Variants in MAST4 observed in about 807,000 individuals in gnomAD.
The protein encoded by MAST4 is microtubule-associated serine/threonine-protein kinase 4.
Under a neutral mutation model 162.7 loss-of-function variants are expected in MAST4, and 89 were observed. That is an observed-to-expected ratio of 0.55 (90% CI 0.46 to 0.65). The LOEUF (loss-of-function observed/expected upper bound fraction) is 0.65. Among genes scored for constraint, MAST4 ranks in the 30% least tolerant of loss-of-function variants. The pLI, the probability that MAST4 is intolerant of heterozygous loss-of-function variation, is 0.00. For synonymous variants in MAST4, 1,479 were observed against 1,361.1 expected (o/e 1.09, Z -1.91); for missense variants, 3,153 against 3,374.0 (o/e 0.93, Z 1.62).
intron 1 of MAST4, among the ~76,000 whole-genome samples, chr5:66,739,009 A>G (rs1202391432): frequency 6.6e-6 from 1 of 152,118 alleles, no homozygotes; most frequent in Non-Finnish European, 1.5e-5. Flanking sequence ...CCATTTTCCT[A>G]TAGATCTTTT....
chr5:67,086,509 G>T (rs1027820977), intron 5 of MAST4, among the ~76,000 whole-genome samples: 1 of 152,162 alleles, frequency 6.6e-6, no homozygotes. Context: ...TCCCCAGGGG[G>T]ATCATGGAGT....
intron 1 of MAST4, among the ~76,000 whole-genome samples, chr5:66,732,426 T>C (rs1751910306): frequency 6.6e-6 from 1 of 152,172 alleles, no homozygotes; most frequent in Non-Finnish European, 1.5e-5. Context: ...ACATTGCCTC[T>C]TCTTCCTGGA....
At chr5:66,635,822 T>G (rs1323658147) in intron 1 of MAST4, among the ~76,000 whole-genome samples, 1 of 151,626 alleles carries the variant, frequency 6.6e-6, no homozygotes, top group Non-Finnish European at 1.5e-5. Flanking sequence ...TTCCCTGAAA[T>G]TGTATGCAAA....
intron 14 of MAST4, among the ~76,000 whole-genome samples, chr5:67,124,734 G>A (rs909847699): frequency 6.6e-6 from 1 of 152,106 alleles, no homozygotes; most frequent in Non-Finnish European, 1.5e-5. Flanking sequence ...TTTTCCCAAG[G>A]ATTAACTGAT....
At chr5:66,693,505 A>G (rs972925903) in intron 1 of MAST4, among the ~76,000 whole-genome samples, 122 of 152,332 alleles carry the variant, frequency 8.0e-4, no homozygotes, top group African/African-American at 2.7e-3. Context: ...AAAATGAAAG[A>G]AATGCATTTG....
At chr5:67,153,616 G>T in intron 26 of MAST4, 36 bp downstream of exon 26, 1 of 1,533,148 alleles carries the variant, frequency 6.5e-7, no homozygotes, top group East Asian at 2.5e-5. Flanking sequence ...ATGCTGATGA[G>T]ACAGGCAGCC....
intron 9 of MAST4, among the ~76,000 whole-genome samples, chr5:67,103,851 A>G (rs1226149313): frequency 6.6e-6 from 1 of 152,242 alleles, no homozygotes; most frequent in Non-Finnish European, 1.5e-5. Flanking sequence ...AAAGAGCCCA[A>G]GATCTTAAAT....
chr5:66,829,279 C>CG (rs1437740545), intron 3 of MAST4, among the ~76,000 whole-genome samples: 1 of 152,016 alleles, frequency 6.6e-6, no homozygotes, highest in Non-Finnish European at 1.5e-5. Context: ...GGATCAACCT[C>CG]CGCTCGGCGG....
At chr5:66,616,943 C>G (rs1015943440) in intron 1 of MAST4, among the ~76,000 whole-genome samples, 5 of 152,104 alleles carry the variant, frequency 3.3e-5, no homozygotes, top group African/African-American at 4.8e-5. Context: ...TAATAACATA[C>G]TATAAAAACA....
At chr5:66,716,007 A>AT (rs1463044306) in intron 1 of MAST4, among the ~76,000 whole-genome samples, 1 of 152,138 alleles carries the variant, frequency 6.6e-6, no homozygotes, top group Non-Finnish European at 1.5e-5. Flanking sequence ...TAAAAAATAC[A>AT]TTTTAATTTT....
chr5:67,038,848 A>G (rs1034717456), intron 4 of MAST4, among the ~76,000 whole-genome samples: 1 of 152,156 alleles, frequency 6.6e-6, no homozygotes, highest in African/African-American at 2.4e-5. Flanking sequence ...TCCTTACCAT[A>G]TACTTTTGTG....
At chr5:66,854,549 T>C (rs1161934846) in intron 3 of MAST4, among the ~76,000 whole-genome samples, 3 of 152,104 alleles carry the variant, frequency 2.0e-5, no homozygotes, top group Non-Finnish European at 4.4e-5. Context: ...CTTGTCATGT[T>C]CTTCTGCTCA....
At chr5:66,914,564 G>A (rs912304777) in intron 4 of MAST4, among the ~76,000 whole-genome samples, 1 of 142,472 alleles carries the variant, frequency 7.0e-6, no homozygotes, top group African/African-American at 2.8e-5. Flanking sequence ...AAGAGGAAGA[G>A]TGTGACCAGA....
At chr5:66,719,103 T>C (rs1751039955) in intron 1 of MAST4, among the ~76,000 whole-genome samples, 1 of 152,174 alleles carries the variant, frequency 6.6e-6, no homozygotes, top group African/African-American at 2.4e-5. Context: ...CTGCATATGT[T>C]TGGGAATTAT....
intron 3 of MAST4, among the ~76,000 whole-genome samples, chr5:66,866,916 TTTTGTTTGTTTGTTTG>T (rs36034288): frequency 1.3e-5 from 2 of 150,650 alleles, no homozygotes; most frequent in Non-Finnish European, 3.0e-5. Flanking sequence ...CGGCAGGCTT[TTTTGTTTGTTTGTTTG>T]TTTGTTTGTT....
chr5:67,015,645 A>T (rs889474458), intron 4 of MAST4, among the ~76,000 whole-genome samples: 1 of 152,210 alleles, frequency 6.6e-6, no homozygotes, highest in Admixed American at 6.5e-5. Context: ...ATATATCTCC[A>T]CTTTCAGTTC....
At chr5:67,154,173 G>A (rs1400025888) in intron 26 of MAST4, among the ~76,000 whole-genome samples, 1 of 152,184 alleles carries the variant, frequency 6.6e-6, no homozygotes, top group East Asian at 1.9e-4. Context: ...GGAGTAAGAA[G>A]GTCACAGGAA....
chr5:66,788,900 G>C, intron 3 of MAST4, 106 bp downstream of exon 3: 1 of 1,322,422 alleles, frequency 7.6e-7, no homozygotes, highest in Non-Finnish European at 9.9e-7. Context: ...CACATGTGAC[G>C]TTAAGCACAT....
chr5:67,139,647 G>A (rs935610787), intron 19 of MAST4, among the ~76,000 whole-genome samples: 4 of 152,176 alleles, frequency 2.6e-5, no homozygotes, highest in African/African-American at 9.7e-5. Context: ...CATTTACTAA[G>A]TATCTAACAG....
Sources: allele counts gnomAD v4.1 joint callset (sites outside exome capture counted in the v4.1 genomes callset), GRCh38; gene constraint gnomAD v4.1.1; transcripts MANE v1.5; gene names NCBI Gene and HGNC (gene_info 2026-07-23, HGNC 2026-07-21).